Variants in GALNT18 observed in about 807,000 individuals in gnomAD.
The protein encoded by GALNT18 is GalNAc-transferase 18.
Under a neutral mutation model 69.5 loss-of-function variants are expected in GALNT18, and 44 were observed. The ratio of observed to expected loss-of-function variants is 0.63; its 90% CI spans 0.50 to 0.81. GALNT18 has a LOEUF of 0.81. Among genes scored for constraint, GALNT18 ranks in the 40% least tolerant of loss-of-function variants. The pLI, the probability that GALNT18 is intolerant of heterozygous loss-of-function variation, is 0.00. For synonymous variants in GALNT18, 364 were observed against 318.2 expected (o/e 1.14, Z -1.53); for missense variants, 715 against 810.0 (o/e 0.88, Z 1.42).
chr11:11,477,057 G>C (rs1044314605), intron 1 of GALNT18, among the ~76,000 whole-genome samples: 1 of 152,198 alleles, frequency 6.6e-6, no homozygotes, highest in Non-Finnish European at 1.5e-5. Flanking sequence ...GGCTTCAGTG[G>C]AACCACCTAC....
At chr11:11,401,478 T>G (rs1205597503) in intron 3 of GALNT18, among the ~76,000 whole-genome samples, 1 of 152,158 alleles carries the variant, frequency 6.6e-6, no homozygotes, top group Non-Finnish European at 1.5e-5. Flanking sequence ...GGCTCAGGTC[T>G]TGGCCCCACT....
At chr11:11,525,277 T>C (rs1857494184) in intron 1 of GALNT18, among the ~76,000 whole-genome samples, 1 of 152,090 alleles carries the variant, frequency 6.6e-6, no homozygotes. Flanking sequence ...AAGTTTCCAC[T>C]GGATCCTTAC....
rs1433424240 is a variant in GALNT18 at position 11,345,288 on chromosome 11, G to A, written c.1093-4284C>T. Among the ~76,000 whole-genome samples, 5 of 152,350 alleles carry A rather than the reference G, an allele frequency of 3.3e-5. No homozygotes were observed. The East Asian group carries it at 9.7e-4, about 29-fold the overall frequency. On this transcript the variant is annotated intron_variant, in intron 6 of 10. Coordinates refer to ENST00000227756, the MANE Select transcript of GALNT18 (RefSeq NM_198516.3). ...GATGTGGACTCAGCATGTTTACCCT[G>A]CCACTTCTGGACCCTGCCCAGTGGC...
Position 11,588,844 on chromosome 11 carries a change from G to A in GALNT18, c.235+32515C>T, listed in dbSNP as rs147635301. ...TTCTAACTCCCAGACATCTGGAACT[G>A]AGGAAATTCCCAATACCCAGTTAAT... is the stretch of plus-strand genomic sequence containing the variant. On this transcript the variant is annotated intron_variant, in intron 1 of 10. Transcript: ENST00000227756. Among the ~76,000 whole-genome samples, 232 of 152,306 alleles carry A rather than the reference G, an allele frequency of 1.5e-3. 3 individuals carry two copies. The highest frequency in any genetic ancestry group is 5.5e-3 in the African/African-American group (227 of 41,572).
At position 11,315,929 on chromosome 11, in the gene GALNT18, A is replaced by C. The variant is rs1220644913; in HGVS notation, c.1512+11157T>G. The stretch of plus-strand genomic sequence containing the variant: ...AAACAGAAGCTGAGGGTGGCTGCCG[A>C]GAGTGAGCCTCACAGGGCCAGTCCC... On this transcript the variant is annotated intron_variant, in intron 9 of 10. Transcript: ENST00000227756. This position sits in a 1 kb window ranked among gnomAD's most constrained non-coding sequence, Gnocchi z 5.6. Among the ~76,000 whole-genome samples the C allele has an allele frequency of 6.6e-6, 1 of 152,018 alleles. No homozygotes were observed. Among genetic ancestry groups the C allele is most frequent in the Non-Finnish European group, 1.5e-5 (1 of 68,022 alleles).
At position 11,327,201 on chromosome 11, in the gene GALNT18, T is replaced by C. The variant is rs775554401; in HGVS notation, c.1417-20A>G. 5.2e-6 allele frequency: 8 copies of C among 1,536,738 alleles called. No individual in the cohort carries two copies. Among genetic ancestry groups the C allele is most frequent in the South Asian group, 2.2e-5 (2 of 89,486 alleles). ...CTGCAGCTGAACATCAGAGAACAGATGGCCACACCAAAGAGAGAGGAACAG... is the reference window on the plus strand; with the variant it reads ...CTGCAGCTGAACATCAGAGAACAGACGGCCACACCAAAGAGAGAGGAACAG... On this transcript the variant is annotated intron_variant, in intron 8 of 10. Transcript: ENST00000227756.
In GALNT18 at chr11:11,361,234, C is replaced by T. The variant is rs528570170; in HGVS notation, c.1092+11281G>A. Among the ~76,000 whole-genome samples, 11 of 152,334 alleles carry T rather than the reference C, an allele frequency of 7.2e-5. No homozygotes were observed. In the South Asian group the frequency reaches 8.3e-4, roughly 11 times the overall value. On this transcript the variant is annotated intron_variant, in intron 6 of 10. Coordinates refer to ENST00000227756, the MANE Select transcript of GALNT18 (RefSeq NM_198516.3). ...TCAGATTTCTTACTGAAGACCACAA[C>T]GCTATGCCTTCTTAGACCAGGCATA...
chr11:11,558,795 T>C (rs1028477240), intron 1 of GALNT18, among the ~76,000 whole-genome samples: 1 of 152,226 alleles, frequency 6.6e-6, no homozygotes, highest in Non-Finnish European at 1.5e-5. Flanking sequence ...AGTAAGAGCT[T>C]AGCTCAAGGG....
chr11:11,494,798 C>A lies in GALNT18; in HGVS notation c.236-45862G>T, dbSNP rs1473201480. Among the ~76,000 whole-genome samples, 1 of 152,180 alleles carries A rather than the reference C, an allele frequency of 6.6e-6. No individual in the cohort carries two copies. On this transcript the variant is annotated intron_variant, in intron 1 of 10. Transcript: ENST00000227756. This position sits in a 1 kb window ranked among gnomAD's most constrained non-coding sequence, Gnocchi z 5.7. ...CGGCCCATCGTGCTATTATTCAAAG[C>A]TGGTGTAAGACTAATGTTCTCATTG...
rs960793515 is a variant in GALNT18 at position 11,538,362 on chromosome 11, T to C, written c.235+82997A>G. 1.3e-5 allele frequency among the ~76,000 whole-genome samples: 2 copies of C among 152,138 alleles called. No individual in the cohort carries two copies. The highest frequency in any genetic ancestry group is 4.8e-5 in the African/African-American group (2 of 41,420). On this transcript the variant is annotated intron_variant, in intron 1 of 10. Transcript: ENST00000227756. This position sits in a 1 kb window ranked among gnomAD's most constrained non-coding sequence, Gnocchi z 5.2. ...TGGCAGGGAGCAGCTGGAGGAGGGC[T>C]GCTCTTTCTGCCGCATGTTCATTTC...
intron 2 of GALNT18, among the ~76,000 whole-genome samples, chr11:11,448,482 T>C (rs1855710515): frequency 6.6e-6 from 1 of 152,248 alleles, no homozygotes; most frequent in African/African-American, 2.4e-5. Context: ...ATGATTGTAG[T>C]GTCCTTAACG....
intron 6 of GALNT18, chr11:11,352,116 C>T: frequency 1.2e-6 from 2 of 1,613,528 alleles, no homozygotes; most frequent in African/African-American, 1.3e-5. Context: ...GCTAGATGAA[C>T]CCATTCGAGC....
chr11:11,585,579 C>G (rs1223019129), intron 1 of GALNT18, among the ~76,000 whole-genome samples: 1 of 152,114 alleles, frequency 6.6e-6, no homozygotes, highest in Admixed American at 6.5e-5. Flanking sequence ...TGGTCTCGAA[C>G]TCCCGACCTC....
At chr11:11,303,115 C>T (rs1590022552) in intron 9 of GALNT18, among the ~76,000 whole-genome samples, 1 of 152,322 alleles carries the variant, frequency 6.6e-6, no homozygotes, top group East Asian at 1.9e-4. Context: ...TGTGAACAAC[C>T]TCCTCTATTG....
intron 1 of GALNT18, among the ~76,000 whole-genome samples, chr11:11,451,571 T>C (rs1011776359): frequency 1.3e-5 from 2 of 152,176 alleles, no homozygotes; most frequent in African/African-American, 4.8e-5. Flanking sequence ...GTGTAATATT[T>C]GTTGAATTTC....
intron 1 of GALNT18, among the ~76,000 whole-genome samples, chr11:11,529,780 G>A (rs1282102887): frequency 6.6e-6 from 1 of 152,162 alleles, no homozygotes; most frequent in Non-Finnish European, 1.5e-5. Flanking sequence ...ATGTGAATGT[G>A]TGTATGTCTG....
chr11:11,537,350 A>G lies in GALNT18; in HGVS notation c.235+84009T>C, dbSNP rs192163079. On this transcript the variant is annotated intron_variant, in intron 1 of 10. Transcript: ENST00000227756. ...TTACCTTTGTAAGGCTTTTAAGATGAATACACAAGTCAGGGAAAAAAAAAT... is the reference window on the plus strand; with the variant it reads ...TTACCTTTGTAAGGCTTTTAAGATGGATACACAAGTCAGGGAAAAAAAAAT... 2.3e-3 allele frequency among the ~76,000 whole-genome samples: 268 copies of G among 114,556 alleles called. 2 individuals are homozygous for G. The highest frequency in any genetic ancestry group is 4.1e-3 in the Admixed American group (41 of 9,924). 75.2% of individuals were successfully genotyped at this position (114,556 alleles called of 152,430 possible).
At chr11:11,537,119 T>A (rs1211410169) in intron 1 of GALNT18, among the ~76,000 whole-genome samples, 2 of 152,210 alleles carry the variant, frequency 1.3e-5, no homozygotes, top group East Asian at 1.9e-4. Context: ...CTGATCTTCA[T>A]AATAATTCTA....
At chr11:11,358,859 A>ACACACACG (rs1554921791) in intron 6 of GALNT18, among the ~76,000 whole-genome samples, 5,523 of 129,892 alleles carry the variant, frequency 0.043, 733 homozygotes, top group Middle Eastern at 0.074. Context: ...ACACACACAC[A>ACACACACG]CACGCACAGA....
Sources: allele counts gnomAD v4.1 joint callset (sites outside exome capture counted in the v4.1 genomes callset), GRCh38; gene constraint gnomAD v4.1.1; non-coding constraint Gnocchi (gnomAD v3.1); transcripts MANE v1.5; gene names NCBI Gene and HGNC (gene_info 2026-07-23, HGNC 2026-07-21).